The following COL21A1 variants were observed in gnomAD, a reference collection of about 807,000 sequenced individuals.
The protein encoded by COL21A1 is collagen alpha-1(XXI) chain.
A neutral mutation model predicts 137.9 loss-of-function variants in COL21A1; 149 were observed. The ratio of observed to expected loss-of-function variants is 1.08; its 90% CI spans 0.95 to 1.24. COL21A1 has a LOEUF of 1.24. COL21A1 is among the 50% of genes most tolerant of loss of function. COL21A1 has a pLI of 0.00. For missense variants in COL21A1, 1,167 were observed against 1,158.4 expected (o/e 1.01, Z -0.11); for synonymous variants, 456 against 391.5 (o/e 1.16, Z -1.95).
chr6:56,126,270 T>G (rs1773045794), intron 12 of COL21A1, 121 bp from the exon 13 acceptor site: 2 of 634,160 alleles, frequency 3.2e-6, no homozygotes, highest in South Asian at 4.0e-5. Flanking sequence ...AAACAGTTAA[T>G]TTCATATCAG....
intron 14 of COL21A1, among the ~76,000 whole-genome samples, chr6:56,125,102 C>G: frequency 6.9e-6 from 1 of 144,104 alleles, no homozygotes; most frequent in Non-Finnish European, 1.5e-5. Context: ...CTCTCTGCAA[C>G]CTCCGCCTCC....
intron 1 of COL21A1, among the ~76,000 whole-genome samples, chr6:56,229,909 G>A (rs1433989903): frequency 1.3e-5 from 2 of 151,772 alleles, no homozygotes; most frequent in Non-Finnish European, 2.9e-5. Flanking sequence ...AAAACTGGAG[G>A]GATTTTTATG....
At chr6:56,213,071 G>C (rs776493458) in intron 1 of COL21A1, among the ~76,000 whole-genome samples, 1 of 151,896 alleles carries the variant, frequency 6.6e-6, no homozygotes, top group Non-Finnish European at 1.5e-5. Flanking sequence ...AAAAAGTAGA[G>C]GACTGACCAG....
In COL21A1 at chr6:56,164,902, A is replaced by G; in HGVS notation, c.1279-80T>C. The G allele has an allele frequency of 2.7e-6, 3 of 1,104,110 alleles. No individual in the cohort carries two copies. The South Asian group carries it at 4.9e-5, about 18-fold the overall frequency. The allele number at this position is 1,104,110 out of a possible 1,614,324, so 68.4% of individuals were successfully genotyped here. ...TATCAGCCTAATTTACAGATATTTC[A>G]CCATCCAGATTAGAGATATATGAAG... On this transcript the variant is annotated intron_variant, in intron 7 of 29. Coordinates refer to ENST00000244728, the MANE Select transcript of COL21A1 (RefSeq NM_030820.4).
intron 21 of COL21A1, 22 bp from the exon 22 acceptor site, chr6:56,069,139 G>C (rs2114084679): frequency 6.5e-7 from 1 of 1,546,806 alleles, no homozygotes; most frequent in Non-Finnish European, 8.8e-7. Context: ...AGAAATTCCA[G>C]AAAGATCACA....
chr6:56,233,752 A>AG (rs1416727386), intron 1 of COL21A1, among the ~76,000 whole-genome samples: 1 of 151,454 alleles, frequency 6.6e-6, no homozygotes, highest in African/African-American at 2.4e-5. Context: ...GCAAAAAAAA[A>AG]AGACCTATTT....
chr6:56,325,285 T>A (rs867410588), intron 1 of COL21A1, among the ~76,000 whole-genome samples: 6 of 37,088 alleles, frequency 1.6e-4, no homozygotes, highest in Admixed American at 4.1e-4. Context: ...TATATAATAT[T>A]ATATTACATT....
intron 1 of COL21A1, among the ~76,000 whole-genome samples, chr6:56,345,211 T>C (rs1765568532): frequency 6.6e-6 from 1 of 152,032 alleles, no homozygotes; most frequent in Admixed American, 6.5e-5. Flanking sequence ...GTGGGAACAA[T>C]AGGAAACATT....
At chr6:56,105,023 T>C (rs1197675016) in intron 16 of COL21A1, among the ~76,000 whole-genome samples, 2 of 152,238 alleles carry the variant, frequency 1.3e-5, no homozygotes, top group Non-Finnish European at 2.9e-5. Flanking sequence ...GCATAGTTTA[T>C]TCTTCATTTG....
intron 1 of COL21A1, among the ~76,000 whole-genome samples, chr6:56,266,944 C>T (rs895173924): frequency 6.6e-6 from 1 of 152,106 alleles, no homozygotes; most frequent in South Asian, 2.1e-4. Context: ...GCAAACAGCT[C>T]GGGCAGAATG....
intron 1 of COL21A1, among the ~76,000 whole-genome samples, chr6:56,268,132 A>T (rs1434655433): frequency 6.6e-6 from 1 of 152,180 alleles, no homozygotes; most frequent in Non-Finnish European, 1.5e-5. Flanking sequence ...GTGAGAACTA[A>T]AGCAGGGGAG....
intron 1 of COL21A1, among the ~76,000 whole-genome samples, chr6:56,189,806 G>A (rs1327833648): frequency 6.6e-6 from 1 of 152,162 alleles, no homozygotes; most frequent in Admixed American, 6.5e-5. Context: ...GAGAGTGGGG[G>A]CCAATATTCA....
intron 9 of COL21A1, among the ~76,000 whole-genome samples, chr6:56,159,451 C>CCCT (rs1473147321): frequency 6.6e-6 from 1 of 151,358 alleles, no homozygotes; most frequent in African/African-American, 2.4e-5. Flanking sequence ...TCCTGCCTCA[C>CCCT]CCTCCCAAGC....
intron 1 of COL21A1, among the ~76,000 whole-genome samples, chr6:56,269,419 G>A (rs1467876057): frequency 6.6e-6 from 1 of 152,036 alleles, no homozygotes; most frequent in Non-Finnish European, 1.5e-5. Flanking sequence ...ACTTTGGGAG[G>A]CCGAGGCGGG....
chr6:56,235,042 C>T lies in COL21A1; in HGVS notation c.-39+12345G>A, dbSNP rs185393110. Among the ~76,000 whole-genome samples the T allele has an allele frequency of 1.8e-4, 28 of 151,900 alleles. No homozygotes were observed. The East Asian group carries it at 4.7e-3, about 25-fold the overall frequency. On this transcript the variant is annotated intron_variant, in intron 1 of 29. Coordinates refer to ENST00000244728, the MANE Select transcript of COL21A1 (RefSeq NM_030820.4). Reference sequence around the variant, plus strand: ...TCCTACTAGGCAAGTTATATTGAGTCCCTTAAATAAGCCATTTCCATTCAT... The same window carrying T: ...TCCTACTAGGCAAGTTATATTGAGTTCCTTAAATAAGCCATTTCCATTCAT...
chr6:56,077,781 TTAAA>T (rs1229661084), intron 17 of COL21A1: 7 of 487,426 alleles, frequency 1.4e-5, no homozygotes, highest in African/African-American at 1.4e-4. Flanking sequence ...ATTTAGAGCT[TTAAA>T]TAAAGGCTTT....
chr6:56,153,975 C>G (rs183517963), intron 10 of COL21A1, among the ~76,000 whole-genome samples: 4 of 152,306 alleles, frequency 2.6e-5, no homozygotes, highest in Admixed American at 2.0e-4. Flanking sequence ...CCACCTCCAA[C>G]CTGTCCAAAA....
chr6:56,260,631 GGAAGGA>G (rs1562028766), intron 1 of COL21A1, among the ~76,000 whole-genome samples: 7 of 54,198 alleles, frequency 1.3e-4, no homozygotes, highest in East Asian at 1.0e-3. Flanking sequence ...GAGAGAGGAA[GGAAGGA>G]AGGAAGGAAG....
intron 1 of COL21A1, among the ~76,000 whole-genome samples, chr6:56,337,961 CTTTTTT>C (rs200998969): frequency 1.1e-5 from 1 of 90,856 alleles, no homozygotes; most frequent in African/African-American, 2.9e-5. Context: ...CTTTTCTTTT[CTTTTTT>C]TTTTTTTTTT....
Sources: gnomAD v4.1 joint callset for allele counts (sites outside exome capture counted in the v4.1 genomes callset) on GRCh38, gnomAD v4.1.1 for gene constraint, MANE v1.5 for transcripts, NCBI Gene and HGNC (gene_info 2026-07-23, HGNC 2026-07-21) for gene names.